The following DYNC1H1 variants were observed in gnomAD, a reference collection of about 807,000 sequenced individuals.
DYNC1H1 encodes the protein cytoplasmic dynein 1 heavy chain 1.
DYNC1H1 carries 51 observed loss-of-function variants against 527.1 expected under a neutral mutation model. That is an observed-to-expected ratio of 0.10 (90% CI 0.08 to 0.12). The LOEUF (loss-of-function observed/expected upper bound fraction) is 0.12. DYNC1H1 is among the 10% of genes least tolerant of loss of function. The pLI is 1.00. For missense variants in DYNC1H1, 2,771 were observed against 5,971.8 expected (o/e 0.46, Z 17.66); for synonymous variants, 2,189 against 2,278.8 (o/e 0.96, Z 1.12).
Position 102,049,860 on chromosome 14 carries a change from C to T in DYNC1H1, c.13662C>T (p.Asp4554=), listed in dbSNP as rs779894891. The change falls in exon 76 of 78, where the codon GAC becomes GAT. Residue 4554 remains aspartate, a synonymous_variant. Coordinates refer to ENST00000360184, the MANE Select transcript of DYNC1H1 (RefSeq NM_001376.5). This position sits in a 1 kb window ranked among gnomAD's most constrained non-coding sequence, Gnocchi z 5.5. ...CCACCTCACAGGGCGCCACCCTTGA[C>T]GCTTGCAGCTTCGGAGTCACGGGTG... The part of the protein sequence containing the change: ...NVTTSQGATL[D]ACSFGVTGLK... 1.4e-5 allele frequency: 22 copies of T among 1,613,784 alleles called. No homozygotes were observed. Among genetic ancestry groups the T allele is most frequent in the Middle Eastern group, 1.6e-4 (1 of 6,082 alleles).
chr14:102,016,177 C>G lies in DYNC1H1; in HGVS notation c.7473+91C>G. ...GAAATGCTGCACCTGTGGGGATGTGCGCTCTCTCCTAGGCGAGGCAGAGCC... is the reference window on the plus strand; with the variant it reads ...GAAATGCTGCACCTGTGGGGATGTGGGCTCTCTCCTAGGCGAGGCAGAGCC... On this transcript the variant is annotated intron_variant, in intron 36 of 77. Transcript: ENST00000360184. This position sits in a 1 kb window ranked among gnomAD's most constrained non-coding sequence, Gnocchi z 7.3. The G allele has an allele frequency of 6.6e-7, 1 of 1,516,802 alleles. No individual in the cohort carries two copies. Among genetic ancestry groups the G allele is most frequent in the South Asian group, 1.2e-5 (1 of 83,500 alleles). 94.0% of individuals were successfully genotyped at this position (1,516,802 alleles called of 1,614,324 possible). A position where few individuals can be genotyped will look rare whatever the true frequency, so the allele number is the denominator to read the frequency against.
rs1383662953 is a variant in DYNC1H1, at chr14:101,997,533, C to G, written c.3804+259C>G. 1.3e-5 allele frequency among the ~76,000 whole-genome samples: 2 copies of G among 152,140 alleles called. No individual in the cohort carries two copies. Among genetic ancestry groups the G allele is most frequent in the African/African-American group, 4.8e-5 (2 of 41,422 alleles). ...TTTCTGTTCTTAGATCATTCTCTTA[C>G]GTAGATATGCGCAGAAATTAGAGTT... On this transcript the variant is annotated intron_variant, in intron 16 of 77. Transcript: ENST00000360184. This position sits in a 1 kb window ranked among gnomAD's most constrained non-coding sequence, Gnocchi z 4.8.
In DYNC1H1 at chr14:102,044,883, C is replaced by T; in HGVS notation, c.13006+185C>T. The T allele has an allele frequency of 1.5e-6, 1 of 662,206 alleles. No individual in the cohort carries two copies. The allele number at this position is 662,206 out of a possible 1,614,324, so 41.0% of individuals were successfully genotyped here. Reference sequence around the variant, plus strand: ...GCCAGTCTCCAGCTGCTCCTAGCTCCACTCCGAGGGGAGGCAGAGGAAAGA... The same window carrying T: ...GCCAGTCTCCAGCTGCTCCTAGCTCTACTCCGAGGGGAGGCAGAGGAAAGA... On this transcript the variant is annotated intron_variant, in intron 72 of 77. Transcript: ENST00000360184. The surrounding 1 kb of genome is among the most constrained non-coding windows in gnomAD (Gnocchi z 7.1).
At chr14:102,024,118 G>A (rs1217140590) in intron 43 of DYNC1H1, among the ~76,000 whole-genome samples, 3 of 152,162 alleles carry the variant, frequency 2.0e-5, no homozygotes, top group Non-Finnish European at 2.9e-5. Context: ...TTGCTTCAGC[G>A]GGTTTGCAGT....
rs926188606 is a variant in DYNC1H1 at position 102,011,291 on chromosome 14, G to A, written c.6618+339G>A. 3.8e-5 allele frequency: 15 copies of A among 389,848 alleles called. No homozygotes were observed. The highest frequency in any genetic ancestry group is 8.3e-5 in the African/African-American group (4 of 48,186). The allele number at this position is 389,848 out of a possible 1,614,324, so 24.1% of individuals were successfully genotyped here. On this transcript the variant is annotated intron_variant, in intron 32 of 77. Coordinates refer to ENST00000360184, the MANE Select transcript of DYNC1H1 (RefSeq NM_001376.5). This position sits in a 1 kb window ranked among gnomAD's most constrained non-coding sequence, Gnocchi z 5.3. ...AACAACCTGAATCGCTGATCAATAC[G>A]TAGTTTACATTCTGTATTGGCTTCT... is the stretch of plus-strand genomic sequence containing the variant.
At position 102,044,024 on chromosome 14, in the gene DYNC1H1, G is replaced by T. The variant is rs145849008; in HGVS notation, c.12663G>T (p.Thr4221=). 66 of 1,614,030 alleles carry T rather than the reference G, an allele frequency of 4.1e-5. No individual in the cohort carries two copies. Among genetic ancestry groups the T allele is most frequent in the Non-Finnish European group, 5.6e-5 (66 of 1,180,038 alleles). ...DLRSACDTVD[T]WLDDTAKGRQ... is the part of the protein sequence containing the mutation. ...GGTCAGCTTGCGATACGGTGGACAC[G>T]TGGCTGGATGACACGGCCAAGGCAA... Residue 4221 remains threonine, a synonymous_variant, in exon 70 of 78, where the codon ACG becomes ACT. Coordinates refer to ENST00000360184, the MANE Select transcript of DYNC1H1 (RefSeq NM_001376.5). The surrounding 1 kb of genome is among the most constrained non-coding windows in gnomAD (Gnocchi z 7.1).
chr14:102,008,987 G>C (rs908028776), intron 29 of DYNC1H1, among the ~76,000 whole-genome samples: 3 of 152,190 alleles, frequency 2.0e-5, no homozygotes, highest in Admixed American at 6.5e-5. Flanking sequence ...CCTCTGGTGC[G>C]GGCCCTTGGT....
chr14:101,981,158 T>C (rs2047859652), intron 5 of DYNC1H1, among the ~76,000 whole-genome samples: 1 of 152,170 alleles, frequency 6.6e-6, no homozygotes, highest in South Asian at 2.1e-4. Context: ...GGATCTCACT[T>C]TGTTTCCCAG....
intron 15 of DYNC1H1, 118 bp from the exon 16 acceptor site, chr14:101,996,917 C>T: frequency 7.1e-7 from 1 of 1,414,626 alleles, no homozygotes; most frequent in East Asian, 2.5e-5. Flanking sequence ...ACCACTGTGT[C>T]TGGCCAGTCT....
At chr14:102,007,772 A>G (rs2048214020) in intron 28 of DYNC1H1, among the ~76,000 whole-genome samples, 1 of 152,192 alleles carries the variant, frequency 6.6e-6, no homozygotes, top group Admixed American at 6.5e-5. Context: ...AGGCCACCAT[A>G]TCCAAGCAGC....
At position 102,044,143 on chromosome 14, in the gene DYNC1H1, A is replaced by G. The variant is rs1231153128; in HGVS notation, c.12684+98A>G. On this transcript the variant is annotated intron_variant, in intron 70 of 77. Transcript: ENST00000360184. The surrounding 1 kb of genome is among the most constrained non-coding windows in gnomAD (Gnocchi z 7.1). ...AGGCCAGACTCTGCGTGGAAGAGCG[A>G]GCTGACCCCTCGTGACCGCCAAAGC... 6 of 1,587,004 alleles carry G rather than the reference A, an allele frequency of 3.8e-6. No individual in the cohort carries two copies. The highest frequency in any genetic ancestry group is 5.1e-6 in the Non-Finnish European group (6 of 1,170,260).
rs2047943887 is a variant in DYNC1H1 at position 101,986,879 on chromosome 14, G to A, written c.2538+116G>A. The A allele has an allele frequency of 2.4e-6, 3 of 1,242,146 alleles. No individual in the cohort carries two copies. The highest frequency in any genetic ancestry group is 2.4e-6 in the Non-Finnish European group (2 of 850,622). The allele number at this position is 1,242,146 out of a possible 1,614,324, so 76.9% of individuals were successfully genotyped here. A position where few individuals can be genotyped will look rare whatever the true frequency, so the allele number is the denominator to read the frequency against. On this transcript the variant is annotated intron_variant, in intron 8 of 77. Coordinates refer to ENST00000360184, the MANE Select transcript of DYNC1H1 (RefSeq NM_001376.5). This position sits in a 1 kb window ranked among gnomAD's most constrained non-coding sequence, Gnocchi z 8.7. Reference sequence around the variant, plus strand: ...GCATGCATGGTTGATGCAGCATACGGCCATGTGAGCTGCAAGGGAGGAGGA... The same window carrying A: ...GCATGCATGGTTGATGCAGCATACGACCATGTGAGCTGCAAGGGAGGAGGA...
intron 69 of DYNC1H1, chr14:102,043,611 T>G (rs537632729): frequency 6.9e-5 from 36 of 521,344 alleles, no homozygotes; most frequent in South Asian, 5.3e-4. Flanking sequence ...TTGTGCCACA[T>G]TCACGTTTTC....
In DYNC1H1 at chr14:102,002,858, G is replaced by C; in HGVS notation, c.4776G>C (p.Leu1592=). 6.2e-7 allele frequency: 1 copy of C among 1,614,250 alleles called. No homozygotes were observed. Among genetic ancestry groups the C allele is most frequent in the Non-Finnish European group, 8.5e-7 (1 of 1,180,052 alleles). ...AGTCTCCCCTTGTTATGGATGTTCT[G>C]AACATCCAGGGAGTACAGAGGTCTC... ...VSKSPLVMDV[L]NIQGVQRSLE... Residue 1592 remains leucine, a synonymous_variant, in exon 23 of 78, where the codon CTG becomes CTC. Coordinates refer to ENST00000360184, the MANE Select transcript of DYNC1H1 (RefSeq NM_001376.5). The surrounding 1 kb of genome is among the most constrained non-coding windows in gnomAD (Gnocchi z 4.4).
In DYNC1H1 at chr14:102,049,729, C is replaced by T; in HGVS notation, c.13531C>T (p.Leu4511=). Reference sequence around the variant, plus strand: ...CTTTCCACAGAACATCCACGTGTGCCTGGGTGGCCTGTTCGTGCCTGAGGC... The same window carrying T: ...CTTTCCACAGAACATCCACGTGTGCTTGGGTGGCCTGTTCGTGCCTGAGGC... ...AKELKNIHVC[L]GGLFVPEAYI... The change falls in exon 76 of 78, where the codon CTG becomes TTG. Residue 4511 remains leucine, a synonymous_variant. Transcript: ENST00000360184. This position sits in a 1 kb window ranked among gnomAD's most constrained non-coding sequence, Gnocchi z 5.5. 1 of 1,613,940 alleles carries T rather than the reference C, an allele frequency of 6.2e-7. No homozygotes were observed.
chr14:102,031,613 T>TA (rs2048511379), intron 51 of DYNC1H1, among the ~76,000 whole-genome samples: 1 of 152,042 alleles, frequency 6.6e-6, no homozygotes, highest in African/African-American at 2.4e-5. Flanking sequence ...TGAAATTATA[T>TA]AAAATAAATG....
intron 57 of DYNC1H1, chr14:102,037,820 C>T (rs1209503026): frequency 6.5e-6 from 1 of 154,458 alleles, no homozygotes; most frequent in Non-Finnish European, 1.4e-5. Flanking sequence ...GAGATGAATT[C>T]ATTATGCAAA....
At chr14:101,974,742 C>T (rs2141266038) in intron 1 of DYNC1H1, among the ~76,000 whole-genome samples, 1 of 152,038 alleles carries the variant, frequency 6.6e-6, no homozygotes, top group East Asian at 1.9e-4. Flanking sequence ...ACCATGTTGC[C>T]CAGACTAGTC....
chr14:102,048,798 T>G, intron 74 of DYNC1H1, 129 bp downstream of exon 74: 1 of 569,796 alleles, frequency 1.8e-6, no homozygotes, highest in Non-Finnish European at 2.7e-6. Context: ...AGCAGCTCTG[T>G]GCTCTTACCC....
Sources: allele counts gnomAD v4.1 joint callset (sites outside exome capture counted in the v4.1 genomes callset), GRCh38; gene constraint gnomAD v4.1.1; non-coding constraint Gnocchi (gnomAD v3.1); transcripts MANE v1.5; gene names NCBI Gene and HGNC (gene_info 2026-07-23, HGNC 2026-07-21).